Variants in FRMPD3 observed in about 807,000 individuals in gnomAD.
FRMPD3 encodes the protein FERM and PDZ domain-containing protein 3.
FRMPD3 carries 42 observed loss-of-function variants against 97.9 expected under a neutral mutation model. The ratio of observed to expected loss-of-function variants is 0.43; its 90% confidence interval spans 0.34 to 0.55. The LOEUF is 0.55. Among genes scored for constraint, FRMPD3 ranks in the 20% least tolerant of loss-of-function variants. The probability of loss-of-function intolerance (pLI) is 0.03; values close to 1 mark genes in which losing one functional copy is unlikely to be tolerated. For synonymous variants in FRMPD3, 577 were observed against 581.1 expected, an observed-to-expected ratio of 0.99 and a Z score of 0.10; for missense variants, 1,303 against 1,457.7, an observed-to-expected ratio of 0.89 and a Z score of 1.73.
chrX:107,593,283 T>A (rs888668621), intron 13 of FRMPD3, among the ~76,000 whole-genome samples: 1 of 111,923 alleles, frequency 8.9e-6, no homozygotes, highest in Non-Finnish European at 1.9e-5. Flanking sequence ...CCTTGTAGAT[T>A]CTGGATATTA....
At chrX:107,526,507 G>A in intron 1 of FRMPD3, 75 bp from the exon 2 acceptor site, 1 of 986,103 alleles carries the variant, frequency 1.0e-6, no homozygotes, top group Non-Finnish European at 1.4e-6. Context: ...AACCCTAACT[G>A]GCATCTCTCC....
chrX:107,600,765 G>A lies in FRMPD3; in HGVS notation c.2726G>A (p.Gly909Asp), dbSNP rs370132530. Residue 909 changes from glycine to aspartate, a missense_variant, in exon 15 of 15, where the codon GGC becomes GAC. Physicochemically the swap from Gly to Asp is moderately conservative, Grantham distance 94 (BLOSUM62 -1). Transcript: ENST00000683843. ...EDKGPGHTRA[G>D]LEMSLRAATS... The stretch of plus-strand genomic sequence containing the variant: ...AAAGGGCCTGGCCACACTAGGGCAG[G>A]CCTAGAAATGTCACTGAGGGCAGCC... The A allele has an allele frequency of 8.3e-6, 10 of 1,204,395 alleles. No individual in the cohort carries two copies. Among genetic ancestry groups the A allele is most frequent in the Non-Finnish European group, 1.1e-5 (10 of 892,791 alleles).
intron 12 of FRMPD3, among the ~76,000 whole-genome samples, chrX:107,569,646 T>G (rs1448026682): frequency 9.0e-6 from 1 of 111,481 alleles, no homozygotes; most frequent in African/African-American, 3.3e-5. Flanking sequence ...TGCCATCATG[T>G]TAATAGTTTG....
At chrX:107,576,589 C>T in intron 13 of FRMPD3, 130 bp downstream of exon 13, 1 of 696,196 alleles carries the variant, frequency 1.4e-6, no homozygotes, top group Non-Finnish European at 2.1e-6. Context: ...GGAGCCAACA[C>T]TGTACCACTA....
chrX:107,490,819 C>G (rs1921639826), intron 1 of FRMPD3, among the ~76,000 whole-genome samples: 1 of 111,619 alleles, frequency 9.0e-6, no homozygotes, highest in African/African-American at 3.3e-5. Flanking sequence ...ATGGGCCTGT[C>G]CATGATTTTC....
At chrX:107,587,074 G>C (rs1430219929) in intron 13 of FRMPD3, among the ~76,000 whole-genome samples, 2 of 111,688 alleles carry the variant, frequency 1.8e-5, no homozygotes, top group Non-Finnish European at 3.8e-5. Flanking sequence ...CTATTATTGT[G>C]TGGGAGTCTA....
chrX:107,540,300 T>G (rs902731673), intron 4 of FRMPD3, among the ~76,000 whole-genome samples: 14 of 111,844 alleles, frequency 1.3e-4, no homozygotes, highest in Non-Finnish European at 2.1e-4. Context: ...TAGGCTCAGG[T>G]GTCAAAGGCA....
rs1924508323 is a variant in FRMPD3 at position 107,601,535 on chromosome X, C to G, written c.3496C>G (p.Gln1166Glu). ...GTCTCGAGGTCAGAGCCCCAGCTGC[C>G]AACCTCGAGGCCAGAGCCCACTGAG... Reference protein sequence around the residue: ...SQSRGQSPSCQPRGQSPLRSQ... With the variant: ...SQSRGQSPSCEPRGQSPLRSQ... The change falls in exon 15 of 15, where the codon CAA becomes GAA. Residue 1166 changes from glutamine (Q) to glutamate (E), a missense_variant. Gln to Glu is a conservative substitution (Grantham distance 29). Coordinates refer to ENST00000683843, the MANE Select transcript of FRMPD3 (RefSeq NM_001388459.1). 8.5e-7 allele frequency: 1 copy of G among 1,179,178 alleles called. No individual in the cohort carries two copies.
chrX:107,477,446 C>A (rs997781016), intron 1 of FRMPD3, among the ~76,000 whole-genome samples: 4 of 112,443 alleles, frequency 3.6e-5, no homozygotes, highest in Non-Finnish European at 7.5e-5. Flanking sequence ...TAGAAATATT[C>A]CCATCTGGAT....
At chrX:107,497,465 C>A (rs925406661) in intron 1 of FRMPD3, among the ~76,000 whole-genome samples, 1 of 112,370 alleles carries the variant, frequency 8.9e-6, no homozygotes, top group African/African-American at 3.2e-5. Flanking sequence ...CTGCAGCAGA[C>A]CATTTGTAAC....
At chrX:107,457,391 T>G in intron 1 of FRMPD3, among the ~76,000 whole-genome samples, 1 of 111,839 alleles carries the variant, frequency 8.9e-6, no homozygotes, top group Non-Finnish European at 1.9e-5. Context: ...GGATAGTATA[T>G]ACAATTCTGG....
chrX:107,594,747 G>A (rs939432148), intron 13 of FRMPD3, among the ~76,000 whole-genome samples: 4 of 111,233 alleles, frequency 3.6e-5, no homozygotes, highest in Non-Finnish European at 7.5e-5. Flanking sequence ...CAGACATGGT[G>A]GCACATGCTT....
At chrX:107,539,526 G>A (rs1602789891) in intron 4 of FRMPD3, among the ~76,000 whole-genome samples, 1 of 110,669 alleles carries the variant, frequency 9.0e-6, no homozygotes, top group African/African-American at 3.3e-5. Flanking sequence ...CAGTTTTCTG[G>A]TTCTGAAAAC....
intron 1 of FRMPD3, among the ~76,000 whole-genome samples, chrX:107,489,994 C>T (rs1345813960): frequency 9.0e-6 from 1 of 111,708 alleles, no homozygotes; most frequent in Non-Finnish European, 1.9e-5. Context: ...GTCTTTAATC[C>T]ATCTTGAATT....
intron 4 of FRMPD3, among the ~76,000 whole-genome samples, chrX:107,543,859 C>A (rs1276596249): frequency 9.1e-6 from 1 of 109,691 alleles, no homozygotes; most frequent in Non-Finnish European, 1.9e-5. Flanking sequence ...CCGCACAATC[C>A]TACTTGTGGA....
intron 1 of FRMPD3, among the ~76,000 whole-genome samples, chrX:107,461,948 T>C (rs1237225824): frequency 3.3e-5 from 3 of 90,594 alleles, no homozygotes; most frequent in African/African-American, 5.9e-5. Flanking sequence ...CCTGCAGTCA[T>C]TTTTTTTTTC....
In FRMPD3 at chrX:107,498,821, C is replaced by T. The variant is rs1194175694; in HGVS notation, c.-7-27761C>T. Among the ~76,000 whole-genome samples, 3 of 111,504 alleles carry T rather than the reference C, an allele frequency of 2.7e-5. 1 individual carries two copies. The highest frequency in any genetic ancestry group is 7.6e-4 in the South Asian group (2 of 2,635). The stretch of plus-strand genomic sequence containing the variant: ...TGGGAAAAGGCTCTGCAAATGGTCA[C>T]GTCCACCTATTCTACAGGAGAGACT... On this transcript the variant is annotated intron_variant, in intron 1 of 14. Transcript: ENST00000683843.
intron 14 of FRMPD3, among the ~76,000 whole-genome samples, chrX:107,598,439 C>T (rs1200725430): frequency 1.8e-5 from 2 of 111,713 alleles, no homozygotes; most frequent in East Asian, 5.6e-4. Flanking sequence ...GATAGAGGAT[C>T]AGAGAAAAAC....
intron 1 of FRMPD3, among the ~76,000 whole-genome samples, chrX:107,478,190 A>G (rs189605876): frequency 7.1e-5 from 8 of 112,442 alleles, no homozygotes; most frequent in Middle Eastern, 4.6e-3. Flanking sequence ...TGCTTATTAT[A>G]ACAAGTCAAA....
Sources: gnomAD v4.1 joint callset for allele counts (sites outside exome capture counted in the v4.1 genomes callset) on GRCh38, gnomAD v4.1.1 for gene constraint, MANE v1.5 for transcripts, NCBI Gene and HGNC (gene_info 2026-07-23, HGNC 2026-07-21) for gene names.